Variants in CDH13 observed in about 807,000 individuals in gnomAD.
CDH13 encodes cadherin-13.
CDH13 carries 24 observed loss-of-function variants against 63.8 expected under a neutral mutation model. The ratio of observed to expected loss-of-function variants is 0.38; its 90% confidence interval spans 0.27 to 0.53. The LOEUF is 0.53. CDH13 is among the 20% of genes least tolerant of loss of function. The pLI, the probability that CDH13 is intolerant of heterozygous loss-of-function variation, is 0.85. For synonymous variants in CDH13, 503 were observed against 355.3 expected (o/e 1.42, Z -4.67); for missense variants, 1,049 against 903.1 (o/e 1.16, Z -2.07).
intron 3 of CDH13, among the ~76,000 whole-genome samples, chr16:83,078,638 C>G (rs143398819): frequency 6.6e-6 from 1 of 152,214 alleles, no homozygotes; most frequent in African/African-American, 2.4e-5. Context: ...CTGCTATAAG[C>G]CACCAAGACT....
intron 1 of CDH13, among the ~76,000 whole-genome samples, chr16:82,638,468 A>G (rs919520038): frequency 6.6e-6 from 1 of 152,206 alleles, no homozygotes; most frequent in African/African-American, 2.4e-5. Context: ...GATTTTTGTG[A>G]GAATTAAATA....
At chr16:82,833,619 C>T (rs1195826252) in intron 1 of CDH13, among the ~76,000 whole-genome samples, 2 of 152,212 alleles carry the variant, frequency 1.3e-5, no homozygotes, top group African/African-American at 4.8e-5. Flanking sequence ...AAAATGATTC[C>T]CTTCCCTCCC....
intron 7 of CDH13, among the ~76,000 whole-genome samples, chr16:83,577,084 A>T (rs932515620): frequency 1.3e-5 from 2 of 152,218 alleles, no homozygotes; most frequent in African/African-American, 4.8e-5. Flanking sequence ...ACTAATTTAT[A>T]GCTCCCTGGA....
chr16:82,672,770 C>CACACAA (rs1216588769), intron 1 of CDH13, among the ~76,000 whole-genome samples: 5 of 70,922 alleles, frequency 7.1e-5, no homozygotes, highest in Non-Finnish European at 1.6e-4. Flanking sequence ...TATATGTGTA[C>CACACAA]ACACACACAC....
At chr16:83,042,899 T>G (rs746957501) in intron 3 of CDH13, among the ~76,000 whole-genome samples, 4 of 152,212 alleles carry the variant, frequency 2.6e-5, no homozygotes, top group Non-Finnish European at 5.9e-5. Context: ...GTTAAAGATG[T>G]GGACACTTAA....
chr16:82,695,361 G>A (rs2030145919), intron 1 of CDH13, among the ~76,000 whole-genome samples: 1 of 152,164 alleles, frequency 6.6e-6, no homozygotes, highest in Admixed American at 6.5e-5. Context: ...TCTTACTCAG[G>A]ACTTGGTTGC....
intron 1 of CDH13, among the ~76,000 whole-genome samples, chr16:82,809,872 G>A (rs2037354367): frequency 6.6e-6 from 1 of 151,984 alleles, no homozygotes; most frequent in Non-Finnish European, 1.5e-5. Flanking sequence ...ACAATTTACA[G>A]CCTTCTCAAG....
At position 83,015,489 on chromosome 16, in the gene CDH13, G is replaced by A. The variant is rs141740773; in HGVS notation, c.158-16521G>A. On this transcript the variant is annotated intron_variant, in intron 2 of 13. Transcript: ENST00000567109. ...ATGTAAAGTAGTATTCCTGGTGATAGTATCTGAAAATCAACATAATCCAAA... is the reference window on the plus strand; with the variant it reads ...ATGTAAAGTAGTATTCCTGGTGATAATATCTGAAAATCAACATAATCCAAA... Among the ~76,000 whole-genome samples, 21 of 151,380 alleles carry A rather than the reference G, an allele frequency of 1.4e-4. 1 individual carries two copies. The East Asian group carries it at 4.1e-3, about 30-fold the overall frequency.
At chr16:82,779,723 A>G (rs2035662107) in intron 1 of CDH13, among the ~76,000 whole-genome samples, 1 of 152,138 alleles carries the variant, frequency 6.6e-6, no homozygotes, top group African/African-American at 2.4e-5. Context: ...TCAACAGAGG[A>G]ATGCAGAGCT....
chr16:83,467,179 C>T (rs1339344469), intron 6 of CDH13, among the ~76,000 whole-genome samples: 1 of 152,156 alleles, frequency 6.6e-6, no homozygotes, highest in Admixed American at 6.5e-5. Context: ...TAAACTCAAA[C>T]GCATCTCTCT....
rs1040174659 is a variant in CDH13 at position 83,413,837 on chromosome 16, A to G, written c.781+68831A>G. Among the ~76,000 whole-genome samples the G allele has an allele frequency of 5.3e-5, 8 of 151,944 alleles. No homozygotes were observed. The East Asian group carries it at 1.6e-3, about 29-fold the overall frequency. ...ACCCCGTCTCTACTAAAACTACAAA[A>G]AAAATTTGCTAGGTGTGGTGGGCAC... On this transcript the variant is annotated intron_variant, in intron 6 of 13. Coordinates refer to ENST00000567109, the MANE Select transcript of CDH13 (RefSeq NM_001257.5).
At chr16:82,759,828 C>G (rs560870538) in intron 1 of CDH13, among the ~76,000 whole-genome samples, 3 of 152,154 alleles carry the variant, frequency 2.0e-5, no homozygotes, top group South Asian at 4.2e-4. Context: ...TCTCCCCTAT[C>G]CTGACGCACT....
At chr16:83,601,141 G>A (rs1907751869) in intron 7 of CDH13, among the ~76,000 whole-genome samples, 1 of 152,174 alleles carries the variant, frequency 6.6e-6, no homozygotes, top group Non-Finnish European at 1.5e-5. Flanking sequence ...ATCGGTAGGA[G>A]ATAGAGAAAG....
At chr16:83,325,286 A>G (rs1367620862) in intron 5 of CDH13, among the ~76,000 whole-genome samples, 2 of 152,220 alleles carry the variant, frequency 1.3e-5, no homozygotes, top group Non-Finnish European at 2.9e-5. Context: ...TTGAATGAAT[A>G]AATAACAATG....
At chr16:82,898,904 A>G (rs2041362291) in intron 2 of CDH13, among the ~76,000 whole-genome samples, 1 of 152,224 alleles carries the variant, frequency 6.6e-6, no homozygotes. Flanking sequence ...ATTAAAGAGT[A>G]TGCTTAACTT....
At chr16:83,284,119 A>G (rs1197735423) in intron 5 of CDH13, among the ~76,000 whole-genome samples, 1 of 152,186 alleles carries the variant, frequency 6.6e-6, no homozygotes, top group African/African-American at 2.4e-5. Flanking sequence ...TAACTAACTC[A>G]TCCCGCAGTT....
intron 7 of CDH13, among the ~76,000 whole-genome samples, chr16:83,502,094 C>T (rs1271402692): frequency 6.6e-6 from 1 of 152,196 alleles, no homozygotes; most frequent in African/African-American, 2.4e-5. Flanking sequence ...GTGTGGAAGA[C>T]AGAATAATGG....
intron 7 of CDH13, among the ~76,000 whole-genome samples, chr16:83,490,989 T>C (rs1382034080): frequency 6.6e-6 from 1 of 152,200 alleles, no homozygotes; most frequent in Non-Finnish European, 1.5e-5. Context: ...TAAAGATCTG[T>C]TAGGTTATCA....
intron 6 of CDH13, among the ~76,000 whole-genome samples, chr16:83,430,974 C>T (rs930496055): frequency 7.0e-6 from 1 of 142,380 alleles, no homozygotes; most frequent in Non-Finnish European, 1.5e-5. Context: ...CCCCTCCCCC[C>T]ACCTCACAAC....
Sources: gnomAD v4.1 joint callset for allele counts (sites outside exome capture counted in the v4.1 genomes callset) on GRCh38, gnomAD v4.1.1 for gene constraint, MANE v1.5 for transcripts, NCBI Gene and HGNC (gene_info 2026-07-23, HGNC 2026-07-21) for gene names.